The following BTBD18 variants were observed in gnomAD, a reference collection of about 807,000 sequenced individuals.
The protein encoded by BTBD18 is BTB/POZ domain-containing protein 18.
For synonymous variants in BTBD18, 311 were observed against 324.4 expected (o/e 0.96, Z 0.44); for missense variants, 787 against 846.3 (o/e 0.93, Z 0.87).
In BTBD18 at chr11:57,751,123, CA is replaced by C; in HGVS notation, c.65del (p.Leu22ArgfsTer55). The C allele has an allele frequency of 6.4e-7, 1 of 1,550,562 alleles. No homozygotes were observed. Among genetic ancestry groups the C allele is most frequent in the Non-Finnish European group, 8.7e-7 (1 of 1,146,582 alleles). ...RNPRFLRLAF[L>X]QLHHQQQSDV... ...CACTCTGCTGCTGGTGATGAAGCTG[CA>C]GAAAAGCTAACCTGAGGAACCGGGG... is the stretch of plus-strand genomic sequence containing the variant. On this transcript the variant is annotated frameshift_variant, in exon 2 of 3. Coordinates refer to ENST00000422652, the MANE Select transcript of BTBD18 (RefSeq NM_001145101.3). LOFTEE classifies it high-confidence loss of function.
upstream of BTBD18, among the ~76,000 whole-genome samples, chr11:57,752,419 A>AG (rs1211524208): frequency 1.3e-5 from 2 of 152,230 alleles, no homozygotes; most frequent in East Asian, 3.9e-4. Flanking sequence ...CTGTAATCTC[A>AG]GCTACTCAGG....
rs1474388457 is a variant in BTBD18 at position 57,744,127 on chromosome 11, C to T, written c.*7G>A. On this transcript the variant is annotated 3_prime_UTR_variant, in exon 3 of 3. Transcript: ENST00000422652. ...CCCAAGGCCCCTAACCTGCCCTCCC[C>T]TCTCCACTATGTTAGTATATCTACC... 1 of 1,535,078 alleles carries T rather than the reference C, an allele frequency of 6.5e-7. No individual in the cohort carries two copies. Among genetic ancestry groups the T allele is most frequent in the South Asian group, 1.2e-5 (1 of 82,202 alleles).
chr11:57,749,277 G>GAGGAACTTATGTA (rs1565245267), intron 2 of BTBD18, among the ~76,000 whole-genome samples: 16 of 152,196 alleles, frequency 1.1e-4, no homozygotes, highest in Non-Finnish European at 1.5e-5. Flanking sequence ...CACGGTAGCA[G>GAGGAACTTATGTA]TGTTTAGCAT....
intron 2 of BTBD18, among the ~76,000 whole-genome samples, chr11:57,750,056 C>T (rs1202088701): frequency 1.3e-5 from 2 of 152,058 alleles, no homozygotes; most frequent in African/African-American, 4.8e-5. Context: ...TAGCAACAAA[C>T]AACAAAAGTC....
At chr11:57,750,388 A>G (rs1230231190) in intron 2 of BTBD18, among the ~76,000 whole-genome samples, 1 of 151,704 alleles carries the variant, frequency 6.6e-6, no homozygotes, top group Non-Finnish European at 1.5e-5. Context: ...AAAACAAAAC[A>G]ACAACAAAAA....
In BTBD18 at chr11:57,744,350, G is replaced by A; in HGVS notation, c.1923C>T (p.Ser641=). The change falls in exon 3 of 3, where the codon TCC becomes TCT. Residue 641 remains serine, a synonymous_variant. Transcript: ENST00000422652. ...GGTATAATAACTCATCTGTAGTCAA[G>A]GAGACTTCCAGCCCAGTCTCCACCC... is the stretch of plus-strand genomic sequence containing the variant. ...SNWVETGLEV[S]LTTDELLYPS... is the part of the protein sequence containing the mutation. 1.3e-6 allele frequency: 2 copies of A among 1,551,662 alleles called. No homozygotes were observed. Among genetic ancestry groups the A allele is most frequent in the Non-Finnish European group, 8.7e-7 (1 of 1,146,968 alleles).
intron 2 of BTBD18, among the ~76,000 whole-genome samples, chr11:57,747,817 T>A (rs1949227009): frequency 6.6e-6 from 1 of 152,106 alleles, no homozygotes; most frequent in Non-Finnish European, 1.5e-5. Context: ...TTTGTTTTTT[T>A]GAGACAGGGT....
intron 2 of BTBD18, among the ~76,000 whole-genome samples, chr11:57,750,700 AAACAT>A (rs1949289244): frequency 6.6e-6 from 1 of 152,260 alleles, no homozygotes; most frequent in Non-Finnish European, 1.5e-5. Flanking sequence ...CTCAAAAAGA[AAACAT>A]AATAGTATCA....
chr11:57,747,469 C>T (rs1005483250), intron 2 of BTBD18, among the ~76,000 whole-genome samples: 6 of 152,314 alleles, frequency 3.9e-5, no homozygotes, highest in Middle Eastern at 3.4e-3. Context: ...AATTTTCCCT[C>T]CTTTACCCAT....
Position 57,748,896 on chromosome 11 carries a change from CAT to C in BTBD18, c.124+2167_124+2168del, listed in dbSNP as rs201276002. ...CCTTTGTATGACACTTCAGACCTCA[CAT>C]GTTTACTAATTTCTCTTTTCCTCTC... On this transcript the variant is annotated intron_variant, in intron 2 of 2. Transcript: ENST00000422652. Among the ~76,000 whole-genome samples, 1,166 of 152,290 alleles carry C rather than the reference CAT, an allele frequency of 7.7e-3. 10 individuals carry two copies. Among genetic ancestry groups the C allele is most frequent in the Non-Finnish European group, 0.011 (725 of 68,018 alleles).
intron 2 of BTBD18, among the ~76,000 whole-genome samples, chr11:57,750,692 C>T (rs1179968052): frequency 6.6e-6 from 1 of 152,132 alleles, no homozygotes; most frequent in South Asian, 2.1e-4. Context: ...GTGAGACTCT[C>T]AAAAAGAAAA....
rs1949144942 is a variant in BTBD18 at position 57,744,123 on chromosome 11, T to G, written c.*11A>C. 8.0e-6 allele frequency: 8 copies of G among 999,516 alleles called. No individual in the cohort carries two copies. The highest frequency in any genetic ancestry group is 6.9e-5 in the South Asian group (5 of 72,054). The allele number at this position is 999,516 out of a possible 1,614,324, so 61.9% of individuals were successfully genotyped here. ...CCCTCCCAAGGCCCCTAACCTGCCC[T>G]CCCCTCTCCACTATGTTAGTATATC... On this transcript the variant is annotated 3_prime_UTR_variant, in exon 3 of 3. Transcript: ENST00000422652.
In BTBD18 at chr11:57,745,004, G is replaced by A. The variant is rs748317389; in HGVS notation, c.1269C>T (p.Cys423=). The A allele has an allele frequency of 3.2e-5, 50 of 1,551,522 alleles. 1 individual carries two copies. In the Admixed American group the frequency reaches 3.9e-4, roughly 12 times the overall value. Residue 423 remains cysteine (C), a synonymous_variant, in exon 3 of 3, where the codon TGC becomes TGT. Transcript: ENST00000422652. The part of the protein sequence containing the change: ...RTELCQDSPM[C]TKLQDILVSA... The stretch of plus-strand genomic sequence containing the variant: ...AGACCAGAATGTCTTGTAGCTTAGT[G>A]CACATGGGGGAGTCCTGACACAGTT...
In BTBD18 at chr11:57,751,237, C is replaced by A; in HGVS notation, c.-48-1G>T. ...TTCTAGGTTTTCACAGATCAGACTC[C>A]TGTAGGTGAGATAATACATTTCAGA... On this transcript the variant is annotated splice_acceptor_variant, in intron 1 of 2. Coordinates refer to ENST00000422652, the MANE Select transcript of BTBD18 (RefSeq NM_001145101.3). LOFTEE classifies it low-confidence loss of function (5UTR_SPLICE). 1 of 1,425,548 alleles carries A rather than the reference C, an allele frequency of 7.0e-7. No individual in the cohort carries two copies. The highest frequency in any genetic ancestry group is 1.5e-5 in the South Asian group (1 of 66,744). 88.3% of individuals were successfully genotyped at this position (1,425,548 alleles called of 1,614,324 possible).
chr11:57,747,263 G>C lies in BTBD18; in HGVS notation c.125-1115C>G, dbSNP rs115255556. On this transcript the variant is annotated intron_variant, in intron 2 of 2. Coordinates refer to ENST00000422652, the MANE Select transcript of BTBD18 (RefSeq NM_001145101.3). ...TGATGATTCCCAGATCCATACCTCT[G>C]CCTAGATCTCTTTCCTGAGGGAGTA... is the stretch of plus-strand genomic sequence containing the variant. 5.4e-3 allele frequency among the ~76,000 whole-genome samples: 825 copies of C among 152,242 alleles called. 10 individuals carry two copies. The highest frequency in any genetic ancestry group is 0.019 in the African/African-American group (793 of 41,538).
In BTBD18 at chr11:57,745,373, C is replaced by G; in HGVS notation, c.900G>C (p.Gln300His). ...PATPGRRLWR[Q>H]RSVNKETPED... Reference sequence around the variant, plus strand: ...CTGGTGTTTCTTTATTTACACTCCTCTGCCGCCAAAGACGCCGGCCAGGGG... The same window carrying G: ...CTGGTGTTTCTTTATTTACACTCCTGTGCCGCCAAAGACGCCGGCCAGGGG... The change falls in exon 3 of 3, where the codon CAG (glutamine) becomes CAC (histidine). Residue 300 changes from glutamine (Q) to histidine (H), a missense_variant. Gln to His is a conservative substitution (Grantham distance 24). Coordinates refer to ENST00000422652, the MANE Select transcript of BTBD18 (RefSeq NM_001145101.3). 6.4e-7 allele frequency: 1 copy of G among 1,551,698 alleles called. No individual in the cohort carries two copies.
Position 57,743,960 on chromosome 11 carries a change from C to T in BTBD18, c.*174G>A. The T allele has an allele frequency of 1.8e-6, 1 of 562,662 alleles. No individual in the cohort carries two copies. Among genetic ancestry groups the T allele is most frequent in the Non-Finnish European group, 3.2e-6 (1 of 315,458 alleles). The allele number at this position is 562,662 out of a possible 1,614,324, so 34.9% of individuals were successfully genotyped here. ...GTTCATAATTTTCTATCTATGGTAC[C>T]CTTGGCTTCTGCCTGGCTTCTGAGG... On this transcript the variant is annotated 3_prime_UTR_variant, in exon 3 of 3. Coordinates refer to ENST00000422652, the MANE Select transcript of BTBD18 (RefSeq NM_001145101.3).
rs556095073 is a variant in BTBD18, at chr11:57,744,573, C to T, written c.1700G>A (p.Gly567Glu). The T allele has an allele frequency of 5.2e-6, 8 of 1,551,652 alleles. No homozygotes were observed. The highest frequency in any genetic ancestry group is 2.7e-5 in the African/African-American group (2 of 73,136). ...AAGGGGGCTAAGGAGCTCAGTTGGC[C>T]CTCTGTTCTCACCAGCAGGTTCCTT... Reference protein sequence around the residue: ...LEKEPAGENRGPTELLSPLVM... With the variant: ...LEKEPAGENREPTELLSPLVM... Residue 567 changes from glycine (G) to glutamate (E), a missense_variant, in exon 3 of 3, where the codon GGG becomes GAG. By Grantham distance (98) the Gly-to-Glu change is moderately conservative. Transcript: ENST00000422652.
intron 2 of BTBD18, among the ~76,000 whole-genome samples, chr11:57,750,855 G>A (rs1949292037): frequency 6.6e-6 from 1 of 152,132 alleles, no homozygotes; most frequent in South Asian, 2.1e-4. Flanking sequence ...TTTACAATTA[G>A]ATTCATTATT....
Sources: gnomAD v4.1 joint callset for allele counts (sites outside exome capture counted in the v4.1 genomes callset) on GRCh38, gnomAD v4.1.1 for gene constraint, MANE v1.5 for transcripts, NCBI Gene and HGNC (gene_info 2026-07-23, HGNC 2026-07-21) for gene names.